Variants in CPNE4 observed in about 807,000 individuals in gnomAD.
CPNE4 encodes the protein copine 4.
In CPNE4, 25 loss-of-function variants were observed where a neutral mutation model predicts 67.9. That is an observed-to-expected ratio of 0.37 (90% confidence interval 0.27 to 0.51). The LOEUF (loss-of-function observed/expected upper bound fraction) is 0.51, where lower values mean the gene tolerates loss of function less well. Among genes scored for constraint, CPNE4 ranks in the 20% least tolerant of loss-of-function variants. The pLI is 0.93. For synonymous variants in CPNE4, 242 were observed against 244.9 expected, an observed-to-expected ratio of 0.99 and a Z score of 0.11; for missense variants, 464 against 690.8, an observed-to-expected ratio of 0.67 and a Z score of 3.68.
chr3:131,848,350 T>C (rs528817018), intron 2 of CPNE4, among the ~76,000 whole-genome samples: 1 of 152,286 alleles, frequency 6.6e-6, no homozygotes, highest in East Asian at 1.9e-4. Context: ...ATCCCATTCA[T>C]TCCCCACTCA....
In CPNE4 at chr3:131,785,764, T is replaced by C. The variant is rs564788819; in HGVS notation, c.181-62139A>G. ...GAGATCATCTTCAGCAGGAATTGTA[T>C]TTCTTGTGAGTCTGGGTGCTCAGGG... On this transcript the variant is annotated intron_variant, in intron 2 of 15. Transcript: ENST00000429747. 2.0e-5 allele frequency among the ~76,000 whole-genome samples: 3 copies of C among 152,072 alleles called. No homozygotes were observed. The South Asian group carries it at 6.2e-4, about 32-fold the overall frequency.
chr3:131,597,270 G>A (rs1938933625), intron 7 of CPNE4, among the ~76,000 whole-genome samples: 1 of 151,632 alleles, frequency 6.6e-6, no homozygotes, highest in Non-Finnish European at 1.5e-5. Context: ...AAGACACATG[G>A]ACACAGGGAG....
At chr3:131,744,255 T>G (rs2082432260) in intron 2 of CPNE4, among the ~76,000 whole-genome samples, 1 of 152,084 alleles carries the variant, frequency 6.6e-6, no homozygotes, top group African/African-American at 2.4e-5. Flanking sequence ...TATAGAAATT[T>G]ATTAAAAAGT....
chr3:131,821,660 T>C (rs1047844228), intron 2 of CPNE4, among the ~76,000 whole-genome samples: 2 of 152,222 alleles, frequency 1.3e-5, no homozygotes, highest in Non-Finnish European at 2.9e-5. Flanking sequence ...GTAATTCCTT[T>C]CACAAAAGGA....
At chr3:131,816,181 T>A (rs1229822190) in intron 2 of CPNE4, among the ~76,000 whole-genome samples, 1 of 152,198 alleles carries the variant, frequency 6.6e-6, no homozygotes, top group Non-Finnish European at 1.5e-5. Flanking sequence ...TGTGCTTCTA[T>A]GAGCATTTTA....
chr3:131,973,655 G>A (rs2072563983), intron 1 of CPNE4, among the ~76,000 whole-genome samples: 1 of 152,112 alleles, frequency 6.6e-6, no homozygotes, highest in African/African-American at 2.4e-5. Context: ...CAGTATTAAT[G>A]TTTTCAACTC....
At chr3:131,647,090 C>T (rs1045261031) in intron 7 of CPNE4, among the ~76,000 whole-genome samples, 6 of 152,190 alleles carry the variant, frequency 3.9e-5, no homozygotes, top group Non-Finnish European at 7.4e-5. Flanking sequence ...AAAATAGCTC[C>T]TATCCACTGT....
chr3:131,883,030 T>G (rs904379562), intron 2 of CPNE4, among the ~76,000 whole-genome samples: 1 of 152,170 alleles, frequency 6.6e-6, no homozygotes, highest in Non-Finnish European at 1.5e-5. Flanking sequence ...TCTGCTCTAC[T>G]TTCAATGGCA....
intron 2 of CPNE4, among the ~76,000 whole-genome samples, chr3:131,769,598 A>G (rs1488995034): frequency 6.6e-6 from 1 of 152,140 alleles, no homozygotes; most frequent in East Asian, 1.9e-4. Context: ...ACCTTCAACA[A>G]GTGGTGATGG....
At chr3:131,697,265 G>A (rs1303649168) in intron 4 of CPNE4, among the ~76,000 whole-genome samples, 1 of 152,144 alleles carries the variant, frequency 6.6e-6, no homozygotes, top group Non-Finnish European at 1.5e-5. Flanking sequence ...AAGCCTTGGA[G>A]CAGAAATTGG....
At chr3:132,023,814 C>T (rs1408730575) in intron 1 of CPNE4, among the ~76,000 whole-genome samples, 3 of 152,086 alleles carry the variant, frequency 2.0e-5, no homozygotes, top group African/African-American at 4.8e-5. Context: ...TAGCAAGTCA[C>T]CATCACAAGA....
intron 2 of CPNE4, among the ~76,000 whole-genome samples, chr3:131,749,192 C>T (rs1346901029): frequency 6.6e-6 from 1 of 152,086 alleles, no homozygotes. Context: ...GTTTTTGGAT[C>T]AGGATAATAC....
chr3:131,619,725 A>G (rs770231711), intron 7 of CPNE4, among the ~76,000 whole-genome samples: 3 of 152,156 alleles, frequency 2.0e-5, no homozygotes, highest in Non-Finnish European at 2.9e-5. Context: ...TTACACACTT[A>G]GATTCCAAAG....
chr3:131,952,401 G>A (rs572282766), intron 1 of CPNE4, among the ~76,000 whole-genome samples: 32,673 of 147,464 alleles, frequency 0.22, 4,375 homozygotes, highest in Non-Finnish European at 0.29. Context: ...GAGCCTCTCC[G>A]CCCGGCAGCC....
intron 2 of CPNE4, among the ~76,000 whole-genome samples, chr3:131,822,072 A>G (rs2084981536): frequency 1.3e-5 from 2 of 152,246 alleles, no homozygotes; most frequent in African/African-American, 4.8e-5. Flanking sequence ...GAAAAAAATT[A>G]ATTCTTATAT....
chr3:131,816,085 C>A (rs1037811961), intron 2 of CPNE4, among the ~76,000 whole-genome samples: 1 of 152,148 alleles, frequency 6.6e-6, no homozygotes, highest in African/African-American at 2.4e-5. Context: ...ATGGAGTCAG[C>A]TGTTAGATTT....
At chr3:131,964,015 T>C (rs1381247458) in intron 1 of CPNE4, among the ~76,000 whole-genome samples, 1 of 152,126 alleles carries the variant, frequency 6.6e-6, no homozygotes, top group Admixed American at 6.5e-5. Flanking sequence ...AGGACAAAGC[T>C]TCCAGGGAAG....
intron 7 of CPNE4, among the ~76,000 whole-genome samples, chr3:131,622,100 T>C (rs1489265750): frequency 1.3e-5 from 2 of 151,788 alleles, no homozygotes; most frequent in Non-Finnish European, 2.9e-5. Context: ...CTTTCCCTAA[T>C]TGTAATCAAT....
At chr3:131,670,807 G>A (rs928547517) in intron 6 of CPNE4, among the ~76,000 whole-genome samples, 6 of 46,582 alleles carry the variant, frequency 1.3e-4, no homozygotes, top group Admixed American at 2.4e-4. Context: ...GGAAGTCTTG[G>A]AATTTTTTGT....
Sources: allele counts gnomAD v4.1 joint callset (sites outside exome capture counted in the v4.1 genomes callset), GRCh38; gene constraint gnomAD v4.1.1; transcripts MANE v1.5; gene names NCBI Gene and HGNC (gene_info 2026-07-23, HGNC 2026-07-21).